The following CARD14 variants were observed in gnomAD, a reference collection of about 807,000 sequenced individuals.
CARD14 encodes the protein caspase recruitment domain family member 14, also known as caspase recruitment domain-containing protein 14.
A neutral mutation model predicts 111.5 loss-of-function variants in CARD14; 107 were observed. The ratio of observed to expected loss-of-function variants is 0.96; its 90% CI spans 0.82 to 1.13. The LOEUF (loss-of-function observed/expected upper bound fraction) is 1.13. Among genes scored for constraint, CARD14 ranks in the 50% most tolerant of loss-of-function variants. The pLI is 0.00. For missense variants in CARD14, 1,322 were observed against 1,362.3 expected, an observed-to-expected ratio of 0.97 and a Z score of 0.47; for synonymous variants, 617 against 579.6, an observed-to-expected ratio of 1.06 and a Z score of -0.93.
In CARD14 at chr17:80,182,324, A is replaced by G. The variant is rs2040200043; in HGVS notation, c.212-329A>G. 6.6e-6 allele frequency among the ~76,000 whole-genome samples: 1 copy of G among 152,178 alleles called. No homozygotes were observed. Among genetic ancestry groups the G allele is most frequent in the Non-Finnish European group, 1.5e-5 (1 of 68,024 alleles). ...CGTCTGCATCACCCACCAGCTTGCC[A>G]GGGAGGTGCTTGCAAGCAGGGACCC... On this transcript the variant is annotated intron_variant, in intron 5 of 23. Transcript: ENST00000648509. The surrounding 1 kb of genome is among the most constrained non-coding windows in gnomAD (Gnocchi z 4.7).
chr17:80,197,707 T>C (rs2040767104), intron 14 of CARD14, among the ~76,000 whole-genome samples: 1 of 152,214 alleles, frequency 6.6e-6, no homozygotes, highest in African/African-American at 2.4e-5. Context: ...TTTTTTCAAG[T>C]GAAGCCAGAA....
Position 80,205,161 on chromosome 17 carries a change from G to A in CARD14, c.2525G>A (p.Ser842Asn), listed in dbSNP as rs749950936. 1.9e-6 allele frequency: 3 copies of A among 1,613,706 alleles called. No homozygotes were observed. The highest frequency in any genetic ancestry group is 4.5e-5 in the East Asian group (2 of 44,890). ...CCCAGGGCGGTTGGGAAGATCCTGA[G>A]CGAGAAACTGTGCCTCCTCCAAGGG... ...LVPRAVGKIL[S>N]EKLCLLQGFK... Residue 842 changes from serine to asparagine, a missense_variant, in exon 21 of 24, where the codon AGC (serine) becomes AAC (asparagine). Ser to Asn is a conservative substitution (Grantham distance 46). Coordinates refer to ENST00000648509, the MANE Select transcript of CARD14 (RefSeq NM_001366385.1).
In CARD14 at chr17:80,201,652, G is replaced by A. The variant is rs531641311; in HGVS notation, c.1852-92G>A. On this transcript the variant is annotated intron_variant, in intron 16 of 23. Transcript: ENST00000648509. The surrounding 1 kb of genome is among the most constrained non-coding windows in gnomAD (Gnocchi z 5.0). ...AGTGGTCCTACGGCAGGGCTGGCCC[G>A]CGCCTCGCCTCAGTGCCCTCAGCGC... 1.2e-4 allele frequency: 172 copies of A among 1,391,470 alleles called. 1 individual carries two copies. The highest frequency in any genetic ancestry group is 4.3e-4 in the South Asian group (37 of 85,968). The allele number at this position is 1,391,470 out of a possible 1,614,324, so 86.2% of individuals were successfully genotyped here.
chr17:80,200,910 A>C (rs1176228250), intron 16 of CARD14: 2 of 152,234 alleles, frequency 1.3e-5, no homozygotes, highest in Non-Finnish European at 2.9e-5. Context: ...CTCCTCTGAG[A>C]ATCTACTGCT....
At position 80,182,226 on chromosome 17, in the gene CARD14, A is replaced by T. The variant is rs1323095934; in HGVS notation, c.212-427A>T. Among the ~76,000 whole-genome samples the T allele has an allele frequency of 2.0e-5, 3 of 152,094 alleles. No individual in the cohort carries two copies. Among genetic ancestry groups the T allele is most frequent in the Non-Finnish European group, 4.4e-5 (3 of 68,000 alleles). On this transcript the variant is annotated intron_variant, in intron 5 of 23. Transcript: ENST00000648509. This position sits in a 1 kb window ranked among gnomAD's most constrained non-coding sequence, Gnocchi z 4.7. ...GCCCCGAGGCTCTCTGGGACCTGTC[A>T]CCCGCAGCCCCGGGGTGCCACTCTG...
At position 80,205,582 on chromosome 17, in the gene CARD14, TC is replaced by T; in HGVS notation, c.2623del (p.Gln875ArgfsTer12). On this transcript the variant is annotated frameshift_variant, in exon 22 of 24. Transcript: ENST00000648509. LOFTEE classifies it high-confidence loss of function. Reference protein sequence around the residue: ...YEAWSQRGDIIQEGEVSGGRC... With the variant: ...YEAWSQRGDIXQEGEVSGGRC... ...GCCTGGAGCCAGAGAGGGGACATCATCCAGGAGGGAGAGGTGTCCGGGGGCC... is the reference window on the plus strand; with the variant it reads ...GCCTGGAGCCAGAGAGGGGACATCATCAGGAGGGAGAGGTGTCCGGGGGCC... The T allele has an allele frequency of 1.3e-6, 2 of 1,576,216 alleles. No homozygotes were observed. Among genetic ancestry groups the T allele is most frequent in the Non-Finnish European group, 1.7e-6 (2 of 1,160,446 alleles).
intron 17 of CARD14, 90 bp from the exon 18 acceptor site, chr17:80,202,090 C>T: frequency 8.1e-7 from 1 of 1,230,564 alleles, no homozygotes; most frequent in Non-Finnish European, 1.2e-6. Context: ...TGGGAGGGTC[C>T]TTCCTTCTCT....
In CARD14 at chr17:80,195,917, C is replaced by T. The variant is rs2040697929; in HGVS notation, c.1594+265C>T. 1.7e-5 allele frequency: 8 copies of T among 469,080 alleles called. No individual in the cohort carries two copies. The highest frequency in any genetic ancestry group is 1.0e-4 in the South Asian group (4 of 39,492). 29.1% of individuals were successfully genotyped at this position (469,080 alleles called of 1,614,324 possible). A position where few individuals can be genotyped will look rare whatever the true frequency, so the allele number is the denominator to read the frequency against. On this transcript the variant is annotated intron_variant, in intron 14 of 23. Coordinates refer to ENST00000648509, the MANE Select transcript of CARD14 (RefSeq NM_001366385.1). This position sits in a 1 kb window ranked among gnomAD's most constrained non-coding sequence, Gnocchi z 4.7. The stretch of plus-strand genomic sequence containing the variant: ...AGCCAGGGGAGTTGTGTCTGATCCA[C>T]GCCCTGCTCAGCACCCAGCCCCCTG...
chr17:80,198,394 T>G lies in CARD14; in HGVS notation c.1659-5T>G. ...TGCACAAGCCGGTCGTCTCCCGGCC[T>G]GCAGCGGCGTCCTCATGCGGCGGAG... On this transcript the variant is annotated splice_region_variant and splice_polypyrimidine_tract_variant and intron_variant, in intron 15 of 23. Coordinates refer to ENST00000648509, the MANE Select transcript of CARD14 (RefSeq NM_001366385.1). This position sits in a 1 kb window ranked among gnomAD's most constrained non-coding sequence, Gnocchi z 7.5. The G allele has an allele frequency of 2.5e-6, 4 of 1,595,522 alleles. No homozygotes were observed. The highest frequency in any genetic ancestry group is 3.4e-6 in the Non-Finnish European group (4 of 1,168,378).
intron 2 of CARD14, among the ~76,000 whole-genome samples, chr17:80,175,952 GTTTTTTTTTTTTTTTTTTTTT>G (rs531556673): frequency 1.7e-4 from 9 of 53,472 alleles, no homozygotes; most frequent in Admixed American, 3.0e-4. Flanking sequence ...CTCTCGGATC[GTTTTTTTTTTTTTTTTTTTTT>G]TTTTTTTTTT....
rs907526053 is a variant in CARD14, at chr17:80,187,285, G to C, written c.676-1092G>C. On this transcript the variant is annotated intron_variant, in intron 7 of 23. Transcript: ENST00000648509. ...TAACAGCCCCGCTAAGACGGGTGCC[G>C]GACTTGTTTGTAATTCACCTCCCCC... 2.0e-5 allele frequency among the ~76,000 whole-genome samples: 3 copies of C among 152,292 alleles called. No homozygotes were observed. In the East Asian group the frequency reaches 5.8e-4, roughly 29 times the overall value.
chr17:80,201,546 T>C lies in CARD14; in HGVS notation c.1852-198T>C, dbSNP rs1654518749. 1.7e-6 allele frequency: 1 copy of C among 603,980 alleles called. No homozygotes were observed. The highest frequency in any genetic ancestry group is 2.9e-6 in the Non-Finnish European group (1 of 339,350). 37.4% of individuals were successfully genotyped at this position (603,980 alleles called of 1,614,324 possible). A position where few individuals can be genotyped will look rare whatever the true frequency, so the allele number is the denominator to read the frequency against. ...GCAGTTGACTCTCTGGCCAGCACTA[T>C]GTGTAGCACGCATCACTAGAGGTGT... On this transcript the variant is annotated intron_variant, in intron 16 of 23. Transcript: ENST00000648509. The surrounding 1 kb of genome is among the most constrained non-coding windows in gnomAD (Gnocchi z 5.0).
At chr17:80,191,273 G>C (rs1438851872) in intron 10 of CARD14, 50 bp from the exon 11 acceptor site, 2 of 1,587,546 alleles carry the variant, frequency 1.3e-6, no homozygotes, top group East Asian at 4.5e-5. Context: ...TCTAGCTGAG[G>C]CTCCCCGGTG....
intron 7 of CARD14, among the ~76,000 whole-genome samples, chr17:80,185,869 G>A (rs1205612253): frequency 2.0e-5 from 3 of 152,164 alleles, no homozygotes; most frequent in South Asian, 2.1e-4. Flanking sequence ...TTCTTTGGCC[G>A]GGACCCTGCA....
chr17:80,198,732 C>T lies in CARD14; in HGVS notation c.1851+141C>T, dbSNP rs764881593. On this transcript the variant is annotated intron_variant, in intron 16 of 23. Coordinates refer to ENST00000648509, the MANE Select transcript of CARD14 (RefSeq NM_001366385.1). The surrounding 1 kb of genome is among the most constrained non-coding windows in gnomAD (Gnocchi z 7.5). ...GGGCCTCTGCTCTTTCCTGGGCTGA[C>T]GTAAAGCGTTCTGCTCATTTATAGA... 16 of 1,555,694 alleles carry T rather than the reference C, an allele frequency of 1.0e-5. No individual in the cohort carries two copies. Among genetic ancestry groups the T allele is most frequent in the South Asian group, 3.5e-5 (3 of 85,080 alleles).
rs1567887187 is a variant in CARD14 at position 80,195,301 on chromosome 17, C to T, written c.1467C>T (p.Ala489=). The T allele has an allele frequency of 6.8e-6, 11 of 1,612,750 alleles. No homozygotes were observed. Among genetic ancestry groups the T allele is most frequent in the Non-Finnish European group, 8.5e-6 (10 of 1,179,568 alleles). ...AGCAGTCCCTGTACAAGCGGGTGGC[C>T]GAGGACTTCGGGGAAGAACCCTGGT... is the stretch of plus-strand genomic sequence containing the variant. ...PSQQSLYKRV[A]EDFGEEPWSF... The change falls in exon 13 of 24, where the codon GCC becomes GCT. Residue 489 remains alanine, a synonymous_variant. Coordinates refer to ENST00000648509, the MANE Select transcript of CARD14 (RefSeq NM_001366385.1). This position sits in a 1 kb window ranked among gnomAD's most constrained non-coding sequence, Gnocchi z 4.7.
intron 2 of CARD14, among the ~76,000 whole-genome samples, chr17:80,175,558 C>T (rs1217097817): frequency 6.6e-5 from 10 of 152,032 alleles, no homozygotes; most frequent in Admixed American, 6.6e-4. Flanking sequence ...CCTAGGGGGT[C>T]ACAGGGTCAG....
Position 80,195,894 on chromosome 17 carries a change from C to G in CARD14, c.1594+242C>G. ...GGTGTCCTTGTGTTTTTCCCTAGAG[C>G]CAGGGGAGTTGTGTCTGATCCACGC... is the stretch of plus-strand genomic sequence containing the variant. On this transcript the variant is annotated intron_variant, in intron 14 of 23. Transcript: ENST00000648509. This position sits in a 1 kb window ranked among gnomAD's most constrained non-coding sequence, Gnocchi z 4.7. 1 of 520,918 alleles carries G rather than the reference C, an allele frequency of 1.9e-6. No homozygotes were observed. Among genetic ancestry groups the G allele is most frequent in the Non-Finnish European group, 3.4e-6 (1 of 291,430 alleles). 32.3% of individuals were successfully genotyped at this position (520,918 alleles called of 1,614,324 possible).
At position 80,198,500 on chromosome 17, in the gene CARD14, G is replaced by A; in HGVS notation, c.1760G>A (p.Gly587Asp). 6.2e-7 allele frequency: 1 copy of A among 1,613,338 alleles called. No individual in the cohort carries two copies. The highest frequency in any genetic ancestry group is 1.1e-5 in the South Asian group (1 of 91,080). The stretch of plus-strand genomic sequence containing the variant: ...TTGCTGGAGCAGATCAGCGTCATCG[G>A]CGGGAACCTCACGGGCATCTTCATC... ...DALLEQISVI[G>D]GNLTGIFIHR... The change falls in exon 16 of 24, where the codon GGC becomes GAC. Residue 587 changes from glycine to aspartate, a missense_variant. By Grantham distance (94) the Gly-to-Asp change is moderately conservative. Transcript: ENST00000648509. The surrounding 1 kb of genome is among the most constrained non-coding windows in gnomAD (Gnocchi z 7.5).
Sources: allele counts gnomAD v4.1 joint callset (sites outside exome capture counted in the v4.1 genomes callset), GRCh38; gene constraint gnomAD v4.1.1; non-coding constraint Gnocchi (gnomAD v3.1); transcripts MANE v1.5; gene names NCBI Gene and HGNC (gene_info 2026-07-23, HGNC 2026-07-21).